ADAMTSL3: variants seen among roughly 807,000 people sequenced by gnomAD.
ADAMTSL3 encodes ADAMTS like 3.
A neutral mutation model predicts 201.7 loss-of-function variants in ADAMTSL3; 128 were observed. The observed-to-expected ratio is 0.63, with a 90% CI of 0.55 to 0.73. ADAMTSL3 has a LOEUF of 0.73. ADAMTSL3 is among the 30% of genes least tolerant of loss of function. The pLI is 0.00. For missense variants in ADAMTSL3, 1,990 were observed against 2,119.6 expected (o/e 0.94, Z 1.20); for synonymous variants, 738 against 748.4 (o/e 0.99, Z 0.23).
chr15:84,001,252 G>T (rs552935574), intron 23 of ADAMTSL3, among the ~76,000 whole-genome samples: 1 of 152,200 alleles, frequency 6.6e-6, no homozygotes, highest in Non-Finnish European at 1.5e-5. Flanking sequence ...TAGGGCTAGG[G>T]TGTTGACAAG....
chr15:83,839,947 A>G (rs1402644753), intron 7 of ADAMTSL3, among the ~76,000 whole-genome samples: 1 of 152,190 alleles, frequency 6.6e-6, no homozygotes, highest in Non-Finnish European at 1.5e-5. Context: ...CTGCAAACAG[A>G]TGTTGATTAT....
At chr15:83,668,945 G>A (rs1254774099) in intron 2 of ADAMTSL3, among the ~76,000 whole-genome samples, 1 of 152,118 alleles carries the variant, frequency 6.6e-6, no homozygotes, top group Admixed American at 6.6e-5. Context: ...TTAAGCTTCT[G>A]CTTATGTCAT....
At chr15:83,850,721 A>C (rs2064595237) in intron 7 of ADAMTSL3, among the ~76,000 whole-genome samples, 2 of 152,114 alleles carry the variant, frequency 1.3e-5, no homozygotes, top group Non-Finnish European at 2.9e-5. Context: ...CAGTCTCTTT[A>C]CTGCTCATCC....
intron 19 of ADAMTSL3, among the ~76,000 whole-genome samples, chr15:83,969,322 A>C (rs866184425): frequency 9.2e-5 from 14 of 152,056 alleles, no homozygotes; most frequent in Admixed American, 6.6e-5. Context: ...TGGGCGCCTG[A>C]AATCCCAGCT....
At chr15:83,780,005 A>G (rs966869894) in intron 4 of ADAMTSL3, among the ~76,000 whole-genome samples, 7 of 152,336 alleles carry the variant, frequency 4.6e-5, no homozygotes, top group Non-Finnish European at 1.0e-4. Flanking sequence ...ACAACATAAC[A>G]TCACAACTAA....
At position 83,870,794 on chromosome 15, in the gene ADAMTSL3, A is replaced by G. The variant is rs1438347704; in HGVS notation, c.803-8A>G. 6.4e-7 allele frequency: 1 copy of G among 1,561,054 alleles called. No homozygotes were observed. The highest frequency in any genetic ancestry group is 1.2e-5 in the South Asian group (1 of 82,626). ...GTTTCTTATTTGAATCATATATTTT[A>G]ATTTTAGTTATTGAATCAAAAACAC... On this transcript the variant is annotated splice_polypyrimidine_tract_variant and splice_region_variant and intron_variant, in intron 8 of 29. Transcript: ENST00000286744.
chr15:83,719,155 C>A (rs547454237), intron 3 of ADAMTSL3, among the ~76,000 whole-genome samples: 1 of 152,228 alleles, frequency 6.6e-6, no homozygotes, highest in South Asian at 2.1e-4. Context: ...TGCTTCTCGA[C>A]CTCCCGAAAA....
chr15:83,901,881 C>T (rs781359256), intron 15 of ADAMTSL3, among the ~76,000 whole-genome samples: 1 of 152,100 alleles, frequency 6.6e-6, no homozygotes, highest in Non-Finnish European at 1.5e-5. Flanking sequence ...GTCACAGAGT[C>T]CTTTGTCTAG....
At chr15:83,766,890 T>C (rs1225635043) in intron 3 of ADAMTSL3, among the ~76,000 whole-genome samples, 1 of 151,360 alleles carries the variant, frequency 6.6e-6, no homozygotes, top group Admixed American at 6.6e-5. Flanking sequence ...AGGTCAGGAG[T>C]TCAAGACCAG....
rs369931042 is a variant in ADAMTSL3 at position 84,016,397 on chromosome 15, G to C, written c.4171G>C (p.Glu1391Gln). The C allele has an allele frequency of 3.2e-5, 52 of 1,613,600 alleles. No individual in the cohort carries two copies. The highest frequency in any genetic ancestry group is 4.2e-5 in the Non-Finnish European group (49 of 1,179,888). Reference protein sequence around the residue: ...VLHLLERRWPESRIVFLQGHK... With the variant: ...VLHLLERRWPQSRIVFLQGHK... ...TTTTTCCTCAGAACGAAGATGGCCAGAGAGTAGAATCGTATTTCTGCAAGG... is the reference window on the plus strand; with the variant it reads ...TTTTTCCTCAGAACGAAGATGGCCACAGAGTAGAATCGTATTTCTGCAAGG... Residue 1391 changes from glutamate (E) to glutamine (Q), a missense_variant, in exon 25 of 30, where the codon GAG becomes CAG. Physicochemically the swap from Glu to Gln is conservative, Grantham distance 29 (BLOSUM62 2). Coordinates refer to ENST00000286744, the MANE Select transcript of ADAMTSL3 (RefSeq NM_207517.3).
chr15:83,911,256 A>C (rs1212716339), intron 15 of ADAMTSL3, among the ~76,000 whole-genome samples: 4 of 152,232 alleles, frequency 2.6e-5, no homozygotes, highest in Non-Finnish European at 5.9e-5. Flanking sequence ...CATATGGGGC[A>C]GTTCATGTAC....
chr15:83,879,664 A>G (rs987391067), intron 9 of ADAMTSL3, among the ~76,000 whole-genome samples: 4 of 152,338 alleles, frequency 2.6e-5, no homozygotes, highest in Admixed American at 1.3e-4. Flanking sequence ...AGCTCAGAAT[A>G]TAACAAAGTT....
intron 21 of ADAMTSL3, among the ~76,000 whole-genome samples, chr15:83,987,207 T>G (rs1275058841): frequency 6.6e-6 from 1 of 152,254 alleles, no homozygotes; most frequent in Non-Finnish European, 1.5e-5. Flanking sequence ...AAATCTTGCC[T>G]TACTAACAGC....
chr15:84,036,687 A>G (rs1208336296), intron 28 of ADAMTSL3, 86 bp from the exon 29 acceptor site: 1 of 970,934 alleles, frequency 1.0e-6, no homozygotes, highest in Non-Finnish European at 1.5e-6. Context: ...GTATAGAGTA[A>G]GGTAAAAAGG....
At chr15:83,856,129 A>C (rs2141763366) in intron 7 of ADAMTSL3, among the ~76,000 whole-genome samples, 1 of 151,818 alleles carries the variant, frequency 6.6e-6, no homozygotes, top group African/African-American at 2.4e-5. Context: ...CCTTAAAATG[A>C]CTGATGCTGT....
chr15:83,957,046 G>T (rs2066876504), intron 19 of ADAMTSL3, among the ~76,000 whole-genome samples: 2 of 152,212 alleles, frequency 1.3e-5, no homozygotes, highest in Non-Finnish European at 2.9e-5. Context: ...TCTGTCTACA[G>T]AGCTACGTGA....
chr15:83,801,626 T>TTATATATATAAATATATAAATATAAA (rs1355315173), intron 4 of ADAMTSL3, among the ~76,000 whole-genome samples: 19 of 74,464 alleles, frequency 2.6e-4, no homozygotes, highest in African/African-American at 8.8e-4. Context: ...CAATGAAATT[T>TTATATATATAAATATATAAATATAAA]TATATATATA....
chr15:83,863,098 A>T (rs1380555544), intron 8 of ADAMTSL3, among the ~76,000 whole-genome samples: 1 of 152,262 alleles, frequency 6.6e-6, no homozygotes, highest in Non-Finnish European at 1.5e-5. Context: ...CACCCAATAC[A>T]GGAACACCCA....
chr15:83,864,951 C>T (rs1391969612), intron 8 of ADAMTSL3, among the ~76,000 whole-genome samples: 1 of 152,192 alleles, frequency 6.6e-6, no homozygotes, highest in African/African-American at 2.4e-5. Flanking sequence ...AAATCACAAG[C>T]ATTCTTATAC....
Sources: allele counts gnomAD v4.1 joint callset (sites outside exome capture counted in the v4.1 genomes callset), GRCh38; gene constraint gnomAD v4.1.1; transcripts MANE v1.5; gene names NCBI Gene and HGNC (gene_info 2026-07-23, HGNC 2026-07-21).